Variants in CNBD1 observed in about 807,000 individuals in gnomAD.
The protein encoded by CNBD1 is cyclic nucleotide-binding domain-containing protein 1.
A neutral mutation model predicts 54.4 loss-of-function variants in CNBD1; 71 were observed. The observed-to-expected ratio is 1.30, with a 90% CI of 1.08 to 1.59. The LOEUF (loss-of-function observed/expected upper bound fraction) is 1.59. CNBD1 is among the 40% of genes most tolerant of loss of function. The probability of loss-of-function intolerance (pLI) is 0.00; values close to 1 mark genes in which losing one functional copy is unlikely to be tolerated. For synonymous variants in CNBD1, 182 were observed against 170.7 expected (o/e 1.07, Z -0.51); for missense variants, 659 against 518.0 (o/e 1.27, Z -2.64).
chr8:86,896,440 C>A (rs1043982708), intron 2 of CNBD1, among the ~76,000 whole-genome samples: 9 of 152,030 alleles, frequency 5.9e-5, no homozygotes, highest in African/African-American at 2.2e-4. Context: ...GTCTTTGGGG[C>A]AGTGTATATC....
At chr8:87,406,859 C>A (rs543110375) in intron 2 of CNBD1, among the ~76,000 whole-genome samples, 32 of 152,168 alleles carry the variant, frequency 2.1e-4, no homozygotes, top group Non-Finnish European at 3.1e-4. Context: ...AGACTGAGAA[C>A]TAGGGTATAA....
At chr8:87,396,261 G>C (rs1397447679) in intron 2 of CNBD1, among the ~76,000 whole-genome samples, 1 of 151,860 alleles carries the variant, frequency 6.6e-6, no homozygotes, top group Non-Finnish European at 1.5e-5. Context: ...GCAGGTGTTT[G>C]TCTATAGTTT....
chr8:86,886,378 A>G (rs1808680977), intron 1 of CNBD1, among the ~76,000 whole-genome samples: 1 of 152,178 alleles, frequency 6.6e-6, no homozygotes, highest in African/African-American at 2.4e-5. Flanking sequence ...TACCTGAGCA[A>G]TGTGGGTAAG....
At chr8:87,279,722 T>A (rs1050833422) in intron 6 of CNBD1, among the ~76,000 whole-genome samples, 7 of 151,090 alleles carry the variant, frequency 4.6e-5, no homozygotes, top group African/African-American at 1.2e-4. Flanking sequence ...TTATATATTT[T>A]TATATATATG....
At chr8:87,239,196 C>A (rs951326418) in intron 6 of CNBD1, among the ~76,000 whole-genome samples, 1 of 152,120 alleles carries the variant, frequency 6.6e-6, no homozygotes, top group African/African-American at 2.4e-5. Flanking sequence ...TAACTTGCAG[C>A]AACTCTGTGG....
intron 4 of CNBD1, among the ~76,000 whole-genome samples, chr8:87,110,018 A>G (rs558806367): frequency 6.6e-6 from 1 of 152,208 alleles, no homozygotes; most frequent in South Asian, 2.1e-4. Flanking sequence ...CAGCTAAACC[A>G]TTTGCCACTG....
rs533284021 is a variant in CNBD1 at position 87,224,585 on chromosome 8, C to T, written c.578-12334C>T. Among the ~76,000 whole-genome samples, 105 of 151,592 alleles carry T rather than the reference C, an allele frequency of 6.9e-4. No homozygotes were observed. In the Middle Eastern group the frequency reaches 0.021, roughly 30 times the overall value. On this transcript the variant is annotated intron_variant, in intron 5 of 10. Transcript: ENST00000518476. Reference sequence around the variant, plus strand: ...CGGTGTTATTTCTGAGGGCTCTGTTCTGTTCCATTGATCTATATCTCTGTT... The same window carrying T: ...CGGTGTTATTTCTGAGGGCTCTGTTTTGTTCCATTGATCTATATCTCTGTT...
intron 10 of CNBD1, among the ~76,000 whole-genome samples, chr8:87,367,121 TTA>T (rs1301918865): frequency 2.0e-5 from 3 of 152,050 alleles, no homozygotes; most frequent in Non-Finnish European, 4.4e-5. Context: ...ACACATGAGA[TTA>T]TATGTGGCCT....
At chr8:87,130,283 A>T (rs1418015719) in intron 4 of CNBD1, among the ~76,000 whole-genome samples, 2 of 152,240 alleles carry the variant, frequency 1.3e-5, no homozygotes, top group Admixed American at 6.5e-5. Context: ...GTGCAATTCC[A>T]GTATTTCAAA....
intron 4 of CNBD1, among the ~76,000 whole-genome samples, chr8:87,151,996 T>A (rs1812614213): frequency 6.6e-6 from 1 of 152,134 alleles, no homozygotes; most frequent in African/African-American, 2.4e-5. Context: ...TTCTTTTTTA[T>A]CATCTTATTT....
chr8:87,311,140 A>G (rs1380038208), intron 8 of CNBD1, among the ~76,000 whole-genome samples: 1 of 152,166 alleles, frequency 6.6e-6, no homozygotes, highest in African/African-American at 2.4e-5. Context: ...ACAACAAAAG[A>G]AACTATCAAC....
rs58385807 is a variant in CNBD1 at position 87,144,820 on chromosome 8, CAAA to C, written c.432-61156_432-61154del. Among the ~76,000 whole-genome samples, 978 of 104,282 alleles carry C rather than the reference CAAA, an allele frequency of 9.4e-3. 13 individuals are homozygous for C. The highest frequency in any genetic ancestry group is 0.031 in the African/African-American group (922 of 29,824). The allele number at this position is 104,282 out of a possible 152,430, so 68.4% of individuals were successfully genotyped here. On this transcript the variant is annotated intron_variant, in intron 4 of 10. Coordinates refer to ENST00000518476, the MANE Select transcript of CNBD1 (RefSeq NM_173538.3). ...GGGCAAGGAGAGCGAAACTATGCCT[CAAA>C]AAAAAAAAAAAAAAAATACTTGAGT...
At chr8:87,112,908 G>A (rs1215596607) in intron 4 of CNBD1, among the ~76,000 whole-genome samples, 1 of 152,172 alleles carries the variant, frequency 6.6e-6, no homozygotes, top group Admixed American at 6.5e-5. Context: ...GGATTCCTTT[G>A]TGAGGCAGGG....
chr8:87,411,832 A>G (rs1162945264), intron 2 of CNBD1, among the ~76,000 whole-genome samples: 1 of 151,908 alleles, frequency 6.6e-6, no homozygotes, highest in Non-Finnish European at 1.5e-5. Flanking sequence ...TTCTGATATC[A>G]TTTTTCAATA....
At chr8:86,906,890 G>A (rs1159711859) in intron 3 of CNBD1, among the ~76,000 whole-genome samples, 1 of 152,206 alleles carries the variant, frequency 6.6e-6, no homozygotes, top group South Asian at 2.1e-4. Flanking sequence ...TGGTTTAAAT[G>A]TGAAAATAAA....
chr8:87,137,812 C>A (rs1200606653), intron 4 of CNBD1, among the ~76,000 whole-genome samples: 11 of 152,046 alleles, frequency 7.2e-5, no homozygotes, highest in Non-Finnish European at 1.3e-4. Context: ...GTAGAAGGAT[C>A]TCTGCTCCAG....
chr8:87,143,217 C>T (rs1279396016), intron 4 of CNBD1, among the ~76,000 whole-genome samples: 3 of 152,082 alleles, frequency 2.0e-5, no homozygotes, highest in Non-Finnish European at 4.4e-5. Flanking sequence ...AACATCAAGT[C>T]TTCATATTCT....
intron 8 of CNBD1, among the ~76,000 whole-genome samples, chr8:87,287,846 T>C (rs1264667667): frequency 6.6e-6 from 1 of 152,122 alleles, no homozygotes; most frequent in African/African-American, 2.4e-5. Flanking sequence ...ACTGCTTGCA[T>C]TTATATTTTA....
chr8:87,156,645 C>A (rs60443727), intron 4 of CNBD1, among the ~76,000 whole-genome samples: 5 of 151,846 alleles, frequency 3.3e-5, no homozygotes, highest in Non-Finnish European at 5.9e-5. Flanking sequence ...TTACAGGGGA[C>A]GTATATTCAG....
Sources: allele counts gnomAD v4.1 joint callset (sites outside exome capture counted in the v4.1 genomes callset), GRCh38; gene constraint gnomAD v4.1.1; transcripts MANE v1.5; gene names NCBI Gene and HGNC (gene_info 2026-07-23, HGNC 2026-07-21).